The following NCKAP1 variants were observed in gnomAD, a reference collection of about 807,000 sequenced individuals.
NCKAP1 encodes nck-associated protein 1.
Under a neutral mutation model 151.2 loss-of-function variants are expected in NCKAP1, and 21 were observed. The ratio of observed to expected loss-of-function variants is 0.14; its 90% CI spans 0.10 to 0.20. The LOEUF is 0.20. Ranked by LOEUF, NCKAP1 falls within the 10% of genes least tolerant of loss-of-function variation. The pLI, the probability that NCKAP1 is intolerant of heterozygous loss-of-function variation, is 1.00. For synonymous variants in NCKAP1, 484 were observed against 451.8 expected, an observed-to-expected ratio of 1.07 and a Z score of -0.90; for missense variants, 933 against 1,352.1, an observed-to-expected ratio of 0.69 and a Z score of 4.86.
At chr2:182,985,533 T>C (rs935920721) in intron 10 of NCKAP1, among the ~76,000 whole-genome samples, 3 of 151,182 alleles carry the variant, frequency 2.0e-5, no homozygotes, top group Non-Finnish European at 4.4e-5. Flanking sequence ...CCGGGCACGG[T>C]GGCTCATGCC....
chr2:183,017,808 A>G (rs1698722258), intron 2 of NCKAP1, among the ~76,000 whole-genome samples: 1 of 152,228 alleles, frequency 6.6e-6, no homozygotes, highest in Admixed American at 6.5e-5. Context: ...AAGAAAAGCC[A>G]GCAAAGTAGT....
chr2:182,977,348 G>A (rs1263332344), intron 14 of NCKAP1, among the ~76,000 whole-genome samples: 2 of 152,004 alleles, frequency 1.3e-5, no homozygotes, highest in Admixed American at 1.3e-4. Context: ...AAATTAGCTG[G>A]GTGTGGTGGT....
chr2:183,005,484 A>G (rs1403229933), intron 2 of NCKAP1, among the ~76,000 whole-genome samples: 1 of 152,188 alleles, frequency 6.6e-6, no homozygotes, highest in Non-Finnish European at 1.5e-5. Flanking sequence ...CAGAGCCAAG[A>G]TTGGAAATCT....
chr2:182,984,423 G>GGGTGTGTGTGTGTGT (rs984252600), intron 10 of NCKAP1, among the ~76,000 whole-genome samples: 14 of 144,282 alleles, frequency 9.7e-5, no homozygotes, highest in Non-Finnish European at 2.0e-4. Context: ...TTTAGATTGG[G>GGGTGTGTGTGTGTGT]GTGTGTGTGT....
chr2:182,910,340 T>C lies in NCKAP1; in HGVS notation c.*15362A>G, dbSNP rs752670369. The C allele has an allele frequency of 1.3e-5, 2 of 152,218 alleles. No individual in the cohort carries two copies. Among genetic ancestry groups the C allele is most frequent in the Admixed American group, 6.5e-5 (1 of 15,272 alleles). 9.4% of individuals were successfully genotyped at this position (152,218 alleles called of 1,614,324 possible). A position where few individuals can be genotyped will look rare whatever the true frequency, so the allele number is the denominator to read the frequency against. On this transcript the variant is annotated 3_prime_UTR_variant, in exon 31 of 31. Coordinates refer to ENST00000361354, the MANE Select transcript of NCKAP1 (RefSeq NM_013436.5). The stretch of plus-strand genomic sequence containing the variant: ...ATCCAGGCAAATGTACTAAAATTCT[T>C]TGAGAGATGAGAGGAAATATTTTTC...
chr2:183,026,416 A>C (rs1485149053), intron 1 of NCKAP1, among the ~76,000 whole-genome samples: 4 of 151,872 alleles, frequency 2.6e-5, no homozygotes, highest in African/African-American at 7.3e-5. Flanking sequence ...TCAAGGCTAC[A>C]GAGCTGTAAT....
intron 26 of NCKAP1, among the ~76,000 whole-genome samples, chr2:182,933,465 C>T (rs1276682568): frequency 1.4e-5 from 2 of 148,056 alleles, no homozygotes; most frequent in African/African-American, 5.0e-5. Context: ...GCAATCTCAG[C>T]TCACCACAAC....
At chr2:183,003,653 G>T (rs1013319427) in intron 2 of NCKAP1, among the ~76,000 whole-genome samples, 1 of 152,026 alleles carries the variant, frequency 6.6e-6, no homozygotes, top group Non-Finnish European at 1.5e-5. Context: ...CACATTACTA[G>T]AAGTGGGAGA....
chr2:183,031,541 T>C (rs748055869), intron 1 of NCKAP1, among the ~76,000 whole-genome samples: 4 of 152,044 alleles, frequency 2.6e-5, no homozygotes, highest in African/African-American at 9.7e-5. Flanking sequence ...GAATGTTTCC[T>C]AAAAGGTAGT....
chr2:182,968,679 G>A (rs79982040), intron 15 of NCKAP1, among the ~76,000 whole-genome samples: 5,301 of 152,300 alleles, frequency 0.035, 132 homozygotes, highest in Middle Eastern at 0.12. Context: ...GCAGAGCTTA[G>A]GGAAATAGCA....
At chr2:182,989,275 G>T in intron 8 of NCKAP1, 89 bp from the exon 9 acceptor site, 1 of 997,852 alleles carries the variant, frequency 1.0e-6, no homozygotes, top group Non-Finnish European at 1.5e-6. Context: ...ATACAGAAAC[G>T]TAACCACGAT....
At chr2:182,994,759 GT>G in intron 8 of NCKAP1, 79 bp downstream of exon 8, 1 of 1,123,282 alleles carries the variant, frequency 8.9e-7, no homozygotes, top group Non-Finnish European at 1.3e-6. Flanking sequence ...AAGCACAGAG[GT>G]AGTAACCATG....
Position 182,923,387 on chromosome 2 carries a change from C to G in NCKAP1, c.*2315G>C, listed in dbSNP as rs1575007639. 2 of 152,192 alleles carry G rather than the reference C, an allele frequency of 1.3e-5. No individual in the cohort carries two copies. The highest frequency in any genetic ancestry group is 6.8e-3 in the Middle Eastern group (2 of 294). The allele number at this position is 152,192 out of a possible 1,614,324, so 9.4% of individuals were successfully genotyped here. A position where few individuals can be genotyped will look rare whatever the true frequency, so the allele number is the denominator to read the frequency against. On this transcript the variant is annotated 3_prime_UTR_variant, in exon 31 of 31. Coordinates refer to ENST00000361354, the MANE Select transcript of NCKAP1 (RefSeq NM_013436.5). The stretch of plus-strand genomic sequence containing the variant: ...TTCCGGGTTCAAACAATTCTTCCAC[C>G]TCAGCCTCCCATGTAGCCAGGATGA...
At chr2:182,968,975 T>C (rs1697631497) in intron 15 of NCKAP1, among the ~76,000 whole-genome samples, 1 of 152,190 alleles carries the variant, frequency 6.6e-6, no homozygotes, top group Admixed American at 6.5e-5. Context: ...AGGAATGAGG[T>C]AGAATGATGT....
rs141969754 is a variant in NCKAP1, at chr2:182,981,319, G to A, written c.1266C>T (p.Tyr422=). 1.7e-4 allele frequency: 268 copies of A among 1,613,336 alleles called. No homozygotes were observed. Among genetic ancestry groups the A allele is most frequent in the Non-Finnish European group, 2.1e-4 (246 of 1,179,482 alleles). Residue 422 remains tyrosine (Y), a synonymous_variant, in exon 13 of 31, where the codon TAC becomes TAT. Coordinates refer to ENST00000361354, the MANE Select transcript of NCKAP1 (RefSeq NM_013436.5). ...MEELRAHVRK[Y]GPVMQRYYVQ... Reference sequence around the variant, plus strand: ...CGTAATACCTCTGCATTACAGGTCCGTATTTCCTCACATGTGCTCTAAGTT... The same window carrying A: ...CGTAATACCTCTGCATTACAGGTCCATATTTCCTCACATGTGCTCTAAGTT...
chr2:183,031,320 A>G (rs757673697), intron 1 of NCKAP1, among the ~76,000 whole-genome samples: 4 of 152,240 alleles, frequency 2.6e-5, no homozygotes, highest in Non-Finnish European at 5.9e-5. Context: ...AACAGTTTTC[A>G]GCTTCCAATA....
intron 2 of NCKAP1, among the ~76,000 whole-genome samples, chr2:183,019,736 T>C (rs992832201): frequency 6.6e-6 from 1 of 152,208 alleles, no homozygotes; most frequent in African/African-American, 2.4e-5. Flanking sequence ...CTGGTATGGC[T>C]TTTATTCATT....
At chr2:182,966,230 G>A (rs1354562265) in intron 16 of NCKAP1, among the ~76,000 whole-genome samples, 2 of 152,034 alleles carry the variant, frequency 1.3e-5, no homozygotes, top group South Asian at 2.1e-4. Context: ...AGAAAATAGA[G>A]TTGATATTAT....
At chr2:183,013,074 C>G (rs1368349573) in intron 2 of NCKAP1, among the ~76,000 whole-genome samples, 1 of 152,120 alleles carries the variant, frequency 6.6e-6, no homozygotes, top group East Asian at 1.9e-4. Context: ...ATTTCATGAT[C>G]ATTGACCACA....
Sources: gnomAD v4.1 joint callset for allele counts (sites outside exome capture counted in the v4.1 genomes callset) on GRCh38, gnomAD v4.1.1 for gene constraint, MANE v1.5 for transcripts, NCBI Gene and HGNC (gene_info 2026-07-23, HGNC 2026-07-21) for gene names.